SUPT20H: variants seen among roughly 807,000 people sequenced by gnomAD.
The protein encoded by SUPT20H is transcription factor SPT20 homolog.
SUPT20H carries 82 observed loss-of-function variants against 122.8 expected under a neutral mutation model. The observed-to-expected ratio is 0.67, with a 90% CI of 0.56 to 0.80. SUPT20H has a LOEUF of 0.80. Among genes scored for constraint, SUPT20H ranks in the 30% least tolerant of loss-of-function variants. The probability of loss-of-function intolerance (pLI) is 0.00; values close to 1 mark genes in which losing one functional copy is unlikely to be tolerated. For missense variants in SUPT20H, 831 were observed against 921.6 expected (o/e 0.90, Z 1.27); for synonymous variants, 291 against 313.0 (o/e 0.93, Z 0.74).
rs891399049 is a variant in SUPT20H at position 37,031,955 on chromosome 13, G to T, written c.708-60C>A. On this transcript the variant is annotated intron_variant, in intron 10 of 25. Coordinates refer to ENST00000350612, the MANE Select transcript of SUPT20H (RefSeq NM_001014286.3). ...AATAAAAGAAACTCATAATATATGTGAGTTGAAACTAGTCAGTGCTGAATA... is the reference window on the plus strand; with the variant it reads ...AATAAAAGAAACTCATAATATATGTTAGTTGAAACTAGTCAGTGCTGAATA... 6 of 1,448,512 alleles carry T rather than the reference G, an allele frequency of 4.1e-6. No homozygotes were observed. The African/African-American group carries it at 7.2e-5, about 17-fold the overall frequency. The allele number at this position is 1,448,512 out of a possible 1,614,324, so 89.7% of individuals were successfully genotyped here.
At chr13:37,016,491 A>C (rs1012729978) in intron 23 of SUPT20H, among the ~76,000 whole-genome samples, 2 of 152,202 alleles carry the variant, frequency 1.3e-5, no homozygotes, top group African/African-American at 4.8e-5. Flanking sequence ...ATTTTTTTAA[A>C]AGAAAATCAA....
chr13:37,040,731 C>T (rs749302154), intron 7 of SUPT20H, 39 bp from the exon 8 acceptor site: 1 of 1,520,486 alleles, frequency 6.6e-7, no homozygotes, highest in Admixed American at 1.7e-5. Context: ...TTTTTTTTTC[C>T]AAAAGCCTAA....
intron 1 of SUPT20H, among the ~76,000 whole-genome samples, chr13:37,054,137 AC>A (rs1307453003): frequency 1.3e-5 from 2 of 152,198 alleles, no homozygotes; most frequent in Non-Finnish European, 2.9e-5. Flanking sequence ...TAGCTTACCA[AC>A]CAAAAAAAGT....
intron 13 of SUPT20H, 41 bp from the exon 14 acceptor site, chr13:37,028,346 T>C (rs1490302935): frequency 1.3e-6 from 2 of 1,560,574 alleles, no homozygotes; most frequent in Non-Finnish European, 1.7e-6. Context: ...CCTTCACAAG[T>C]AGGCAGGCAA....
chr13:37,049,526 G>C (rs1233413939), intron 2 of SUPT20H, among the ~76,000 whole-genome samples: 2 of 152,086 alleles, frequency 1.3e-5, no homozygotes, highest in Non-Finnish European at 2.9e-5. Flanking sequence ...GATCACCTGA[G>C]GTAAGGAGTT....
chr13:37,055,574 C>G (rs932036589), intron 1 of SUPT20H, among the ~76,000 whole-genome samples: 9 of 152,156 alleles, frequency 5.9e-5, no homozygotes, highest in Non-Finnish European at 1.2e-4. Flanking sequence ...ATGTAGAAAG[C>G]TGAAACTGGA....
chr13:37,034,346 T>A (rs1488384679), intron 9 of SUPT20H, among the ~76,000 whole-genome samples: 1 of 152,214 alleles, frequency 6.6e-6, no homozygotes, highest in Non-Finnish European at 1.5e-5. Flanking sequence ...CTCCAGTGAA[T>A]ATCCATAACA....
chr13:37,028,403 T>C (rs1236695881), intron 13 of SUPT20H, 98 bp from the exon 14 acceptor site: 1 of 1,111,334 alleles, frequency 9.0e-7, no homozygotes, highest in Non-Finnish European at 1.3e-6. Context: ...AACATGTATC[T>C]GACGATAGGA....
chr13:37,033,178 C>A lies in SUPT20H; in HGVS notation c.707+271G>T, dbSNP rs556949935. ...CTATATAAAAATATATAATATGAGA[C>A]CATTAAGAATCCTATTTTCAAAAAG... is the stretch of plus-strand genomic sequence containing the variant. On this transcript the variant is annotated intron_variant, in intron 10 of 25. Coordinates refer to ENST00000350612, the MANE Select transcript of SUPT20H (RefSeq NM_001014286.3). Among the ~76,000 whole-genome samples, 899 of 150,850 alleles carry A rather than the reference C, an allele frequency of 6.0e-3. 3 individuals carry two copies. The highest frequency in any genetic ancestry group is 8.1e-3 in the Admixed American group (122 of 15,154).
rs1045830980 is a variant in SUPT20H, at chr13:37,040,478, A to T, written c.514-20T>A. Reference sequence around the variant, plus strand: ...TAAAGTCTAGAAGAAATAAAAATTTAAAAAACTTATTAATCTATGCACAAA... The same window carrying T: ...TAAAGTCTAGAAGAAATAAAAATTTTAAAAACTTATTAATCTATGCACAAA... On this transcript the variant is annotated intron_variant, in intron 8 of 25. Coordinates refer to ENST00000350612, the MANE Select transcript of SUPT20H (RefSeq NM_001014286.3). 5.1e-6 allele frequency: 8 copies of T among 1,569,448 alleles called. No individual in the cohort carries two copies. The highest frequency in any genetic ancestry group is 2.4e-5 in the South Asian group (2 of 82,630).
At chr13:37,029,257 A>G (rs1462407132) in intron 13 of SUPT20H, among the ~76,000 whole-genome samples, 1 of 152,202 alleles carries the variant, frequency 6.6e-6, no homozygotes, top group African/African-American at 2.4e-5. Flanking sequence ...GGCTGGGCGC[A>G]GTGGCTCATG....
intron 16 of SUPT20H, chr13:37,025,972 T>C: frequency 2.6e-6 from 1 of 377,682 alleles, no homozygotes; most frequent in Non-Finnish European, 4.7e-6. Context: ...TATCACAAGC[T>C]TACAGATATT....
rs755070720 is a variant in SUPT20H at position 37,024,373 on chromosome 13, T to C, written c.1399A>G (p.Lys467Glu). 10 of 1,592,518 alleles carry C rather than the reference T, an allele frequency of 6.3e-6. No homozygotes were observed. Among genetic ancestry groups the C allele is most frequent in the Non-Finnish European group, 8.5e-6 (10 of 1,172,716 alleles). ...CTATTTCCTGAGCTTGAGGGAAGTT[T>C]GATTGGTGGGGGTCGATGTTTTACA... Reference protein sequence around the residue: ...KGVKHRPPPIKLPSSSGNSSS... With the variant: ...KGVKHRPPPIELPSSSGNSSS... Residue 467 changes from lysine (K) to glutamate (E), a missense_variant, in exon 18 of 26, where the codon AAA (lysine) becomes GAA (glutamate). Coordinates refer to ENST00000350612, the MANE Select transcript of SUPT20H (RefSeq NM_001014286.3).
chr13:37,029,768 G>A lies in SUPT20H; in HGVS notation c.990C>T (p.Ala330=), dbSNP rs951109157. ...SDDSQPTVWP[A]HDVKDDYVFE... ...GAGACAGGCAATGATTTCTTACATG[G>A]GCTGGCCAGACTGTTGGCTGTGAGT... The change falls in exon 13 of 26, where the codon GCC becomes GCT. Residue 330 remains alanine (A), a synonymous_variant. Transcript: ENST00000350612. The A allele has an allele frequency of 1.3e-6, 2 of 1,598,038 alleles. No homozygotes were observed. The highest frequency in any genetic ancestry group is 1.4e-5 in the African/African-American group (1 of 73,856).
intron 2 of SUPT20H, among the ~76,000 whole-genome samples, 167 bp from the exon 3 acceptor site, chr13:37,048,766 T>C (rs1411443224): frequency 6.6e-6 from 1 of 152,148 alleles, no homozygotes; most frequent in African/African-American, 2.4e-5. Context: ...AGAAAAAATA[T>C]GAGTCTTGGG....
At chr13:37,019,189 G>C (rs367970140) in intron 22 of SUPT20H, among the ~76,000 whole-genome samples, 153 bp downstream of exon 22, 1 of 152,062 alleles carries the variant, frequency 6.6e-6, no homozygotes, top group African/African-American at 2.4e-5. Flanking sequence ...CTCTTTATCC[G>C]CTTGATCATA....
intron 12 of SUPT20H, among the ~76,000 whole-genome samples, chr13:37,031,195 TGAGTA>T (rs1368806355): frequency 6.6e-6 from 1 of 152,038 alleles, no homozygotes; most frequent in Non-Finnish European, 1.5e-5. Context: ...TTAACCAGTT[TGAGTA>T]AACAAGCACT....
At chr13:37,047,640 C>T (rs1045527385) in intron 4 of SUPT20H, 39 bp from the exon 5 acceptor site, 18 of 1,328,890 alleles carry the variant, frequency 1.4e-5, no homozygotes, top group Non-Finnish European at 1.7e-5. Flanking sequence ...AAAATGTTAA[C>T]AGAGTAATCA....
At chr13:37,019,302 T>C (rs1011099134) in intron 22 of SUPT20H, 40 bp downstream of exon 22, 28 of 1,501,724 alleles carry the variant, frequency 1.9e-5, no homozygotes, top group Non-Finnish European at 2.4e-5. Flanking sequence ...AAAAAGTCAA[T>C]GTACAAAAAA....
Sources: gnomAD v4.1 joint callset for allele counts (sites outside exome capture counted in the v4.1 genomes callset) on GRCh38, gnomAD v4.1.1 for gene constraint, MANE v1.5 for transcripts, NCBI Gene and HGNC (gene_info 2026-07-23, HGNC 2026-07-21) for gene names.